ANXA4: variants seen among roughly 807,000 people sequenced by gnomAD.
ANXA4 encodes the protein 35-beta calcimedin.
In ANXA4, 39 loss-of-function variants were observed where a neutral mutation model predicts 49.8. That is an observed-to-expected ratio of 0.78 (90% CI 0.61 to 1.02). The LOEUF (loss-of-function observed/expected upper bound fraction) is 1.02. Among genes scored for constraint, ANXA4 ranks in the 50% least tolerant of loss-of-function variants. The pLI is 0.00. For missense variants in ANXA4, 360 were observed against 410.1 expected, an observed-to-expected ratio of 0.88 and a Z score of 1.05; for synonymous variants, 134 against 152.5, an observed-to-expected ratio of 0.88 and a Z score of 0.89.
Position 69,815,865 on chromosome 2 carries a change from T to A in ANXA4, c.535-236T>A, listed in dbSNP as rs115221757. The A allele has an allele frequency of 1.5e-3, 749 of 501,722 alleles. 3 individuals are homozygous for A. Among genetic ancestry groups the A allele is most frequent in the African/African-American group, 0.012 (658 of 52,654 alleles). 31.1% of individuals were successfully genotyped at this position (501,722 alleles called of 1,614,324 possible). A position where few individuals can be genotyped will look rare whatever the true frequency, so the allele number is the denominator to read the frequency against. ...GCTCTTAAGATAGAACCATGTAGTC[T>A]CCAGCTAGGGAACTGCTAGTGTTTG... On this transcript the variant is annotated intron_variant, in intron 8 of 12. Coordinates refer to ENST00000394295, the MANE Select transcript of ANXA4 (RefSeq NM_001153.5).
At chr2:69,781,626 A>G (rs1267338464) in intron 2 of ANXA4, 52 bp downstream of exon 2, 2 of 1,605,370 alleles carry the variant, frequency 1.2e-6, no homozygotes, top group Non-Finnish European at 8.5e-7. Context: ...CAACAGGTAC[A>G]GAATGTGGGC....
intron 1 of ANXA4, among the ~76,000 whole-genome samples, chr2:69,772,926 A>C (rs1671786391): frequency 1.3e-5 from 2 of 152,050 alleles, no homozygotes; most frequent in Admixed American, 1.3e-4. Flanking sequence ...CTGAGGCAGG[A>C]GAATCACTTG....
intron 3 of ANXA4, among the ~76,000 whole-genome samples, chr2:69,725,588 A>G (rs915838602): frequency 5.9e-5 from 9 of 152,168 alleles, no homozygotes; most frequent in Admixed American, 2.6e-4. Context: ...ATTAGGACAC[A>G]GAACACTTCC....
intron 1 of ANXA4, among the ~76,000 whole-genome samples, chr2:69,771,906 T>C (rs1671733325): frequency 6.6e-6 from 1 of 152,220 alleles, no homozygotes; most frequent in African/African-American, 2.4e-5. Context: ...GTAACTGCTA[T>C]TGAGATAGGT....
intron 1 of ANXA4, among the ~76,000 whole-genome samples, chr2:69,747,966 C>G (rs573676677): frequency 6.6e-6 from 1 of 152,236 alleles, no homozygotes; most frequent in Non-Finnish European, 1.5e-5. Flanking sequence ...AGGCATGAAC[C>G]ACTGGCCCGA....
At chr2:69,752,258 G>A (rs569546535) in intron 1 of ANXA4, among the ~76,000 whole-genome samples, 21 of 152,284 alleles carry the variant, frequency 1.4e-4, no homozygotes, top group Admixed American at 9.8e-4. Context: ...TGGGAGACAG[G>A]GCAGATGAGT....
At chr2:69,681,912 T>C (rs1472075485) in intron 2 of ANXA4, among the ~76,000 whole-genome samples, 3 of 152,076 alleles carry the variant, frequency 2.0e-5, no homozygotes, top group East Asian at 3.8e-4. Flanking sequence ...TGATGGCTTA[T>C]TCCAGCCTTG....
chr2:69,788,575 C>T (rs1331360618), intron 3 of ANXA4, among the ~76,000 whole-genome samples: 3 of 151,404 alleles, frequency 2.0e-5, no homozygotes, highest in South Asian at 2.1e-4. Flanking sequence ...CGGTGGCTCA[C>T]GCCTGTAATC....
At chr2:69,704,689 TTC>T (rs1434704150) in intron 2 of ANXA4, among the ~76,000 whole-genome samples, 1 of 152,166 alleles carries the variant, frequency 6.6e-6, no homozygotes, top group Non-Finnish European at 1.5e-5. Context: ...ACAAACAGTT[TTC>T]AAGTTTCTGC....
At chr2:69,732,020 G>A (rs1289553247) in intron 3 of ANXA4, among the ~76,000 whole-genome samples, 11 of 128,046 alleles carry the variant, frequency 8.6e-5, no homozygotes, top group Admixed American at 6.4e-4. Flanking sequence ...TGGCTCTGTC[G>A]CCCAGGCTGG....
chr2:69,671,846 G>A (rs1677204836), intron 2 of ANXA4, among the ~76,000 whole-genome samples: 2 of 152,196 alleles, frequency 1.3e-5, no homozygotes, highest in African/African-American at 2.4e-5. Flanking sequence ...CACTGCTAAA[G>A]AGTCAGAAAC....
chr2:69,792,085 C>T (rs1215608021), intron 3 of ANXA4, among the ~76,000 whole-genome samples: 1 of 152,138 alleles, frequency 6.6e-6, no homozygotes, highest in East Asian at 1.9e-4. Context: ...CTAGATGCTT[C>T]AGGGGTCCTC....
intron 2 of ANXA4, among the ~76,000 whole-genome samples, chr2:69,656,288 CATATATGTATATATATGTATATATGTAT>C (rs1676458989): frequency 4.5e-5 from 4 of 89,534 alleles, no homozygotes; most frequent in East Asian, 1.3e-3. Context: ...TATATATATA[CATATATGTATATATATGTATATATGTAT>C]ATATATGTAT....
At chr2:69,764,287 G>A (rs1671417601) in intron 1 of ANXA4, among the ~76,000 whole-genome samples, 1 of 152,196 alleles carries the variant, frequency 6.6e-6, no homozygotes, top group South Asian at 2.1e-4. Context: ...AGATGAACAT[G>A]AAATTAAGCG....
chr2:69,644,166 C>T (rs112073452), upstream of ANXA4, among the ~76,000 whole-genome samples: 463 of 9,128 alleles, frequency 0.051, 33 homozygotes, highest in African/African-American at 0.084. Context: ...CAACTAAGTT[C>T]CCCCCCCCCC....
intron 2 of ANXA4, among the ~76,000 whole-genome samples, chr2:69,663,348 A>G (rs1481815769): frequency 7.8e-6 from 1 of 128,474 alleles, no homozygotes; most frequent in Non-Finnish European, 1.6e-5. Flanking sequence ...GCACACTTAC[A>G]TAAGAGCAGA....
upstream of ANXA4, among the ~76,000 whole-genome samples, chr2:69,737,614 T>C (rs887897023): frequency 2.6e-5 from 4 of 152,150 alleles, no homozygotes; most frequent in Admixed American, 1.3e-4. Flanking sequence ...TATTTACTTA[T>C]TGAGATAGTG....
At chr2:69,825,081 A>C (rs1370174964) in intron 12 of ANXA4, among the ~76,000 whole-genome samples, 2 of 150,476 alleles carry the variant, frequency 1.3e-5, no homozygotes, top group South Asian at 2.1e-4. Flanking sequence ...AAAAAAAAAA[A>C]AAAAAAAAAC....
At chr2:69,671,816 T>A (rs1223393187) in intron 2 of ANXA4, among the ~76,000 whole-genome samples, 1 of 152,126 alleles carries the variant, frequency 6.6e-6, no homozygotes, top group Non-Finnish European at 1.5e-5. Context: ...GCAACACCAA[T>A]CCTTGGTAAG....
Sources: gnomAD v4.1 joint callset for allele counts (sites outside exome capture counted in the v4.1 genomes callset) on GRCh38, gnomAD v4.1.1 for gene constraint, MANE v1.5 for transcripts, NCBI Gene and HGNC (gene_info 2026-07-23, HGNC 2026-07-21) for gene names.